NUP210L: variants seen among roughly 807,000 people sequenced by gnomAD.
NUP210L encodes the protein nucleoporin 210 like.
A neutral mutation model predicts 208.5 loss-of-function variants in NUP210L; 74 were observed. The observed-to-expected ratio is 0.35, with a 90% CI of 0.29 to 0.43. The LOEUF (loss-of-function observed/expected upper bound fraction) is 0.43. Among genes scored for constraint, NUP210L ranks in the 20% least tolerant of loss-of-function variants. The pLI is 1.00. For synonymous variants in NUP210L, 780 were observed against 816.9 expected, an observed-to-expected ratio of 0.95 and a Z score of 0.77; for missense variants, 1,843 against 2,289.4, an observed-to-expected ratio of 0.81 and a Z score of 3.98.
chr1:154,010,900 A>C (rs185936002), intron 34 of NUP210L, among the ~76,000 whole-genome samples: 55 of 151,776 alleles, frequency 3.6e-4, no homozygotes, highest in African/African-American at 1.2e-3. Flanking sequence ...TAAATAAATA[A>C]AAATAAAGCA....
intron 10 of NUP210L, among the ~76,000 whole-genome samples, chr1:154,125,067 G>A (rs1254097329): frequency 6.6e-6 from 1 of 151,878 alleles, no homozygotes; most frequent in Non-Finnish European, 1.5e-5. Flanking sequence ...CACTTTGGGA[G>A]GCTGACATGG....
chr1:154,103,356 T>A, intron 13 of NUP210L, among the ~76,000 whole-genome samples: 1 of 149,024 alleles, frequency 6.7e-6, no homozygotes, highest in Non-Finnish European at 1.5e-5. Context: ...ATCGTGCCAC[T>A]GCACTCCAGC....
chr1:154,041,240 C>T lies in NUP210L; in HGVS notation c.3696+4829G>A, dbSNP rs535263813. Among the ~76,000 whole-genome samples, 30 of 152,274 alleles carry T rather than the reference C, an allele frequency of 2.0e-4. 1 individual carries two copies. The highest frequency in any genetic ancestry group is 7.2e-4 in the African/African-American group (30 of 41,554). On this transcript the variant is annotated intron_variant, in intron 27 of 39. Transcript: ENST00000368559. ...TCAGCCTCCCAAAATGCTGGGGTAACAGGCGTGAGCCACCGAGCCTGGCCT... is the reference window on the plus strand; with the variant it reads ...TCAGCCTCCCAAAATGCTGGGGTAATAGGCGTGAGCCACCGAGCCTGGCCT...
At position 154,152,157 on chromosome 1, in the gene NUP210L, A is replaced by T. The variant is rs1441060033; in HGVS notation, c.340+579T>A. Among the ~76,000 whole-genome samples, 4 of 142,518 alleles carry T rather than the reference A, an allele frequency of 2.8e-5. No homozygotes were observed. The East Asian group carries it at 6.0e-4, about 21-fold the overall frequency. 93.5% of individuals were successfully genotyped at this position (142,518 alleles called of 152,430 possible). A position where few individuals can be genotyped will look rare whatever the true frequency, so the allele number is the denominator to read the frequency against. Reference sequence around the variant, plus strand: ...ATCCTGCCTAATACTCTTCATTTTTATTTTATTTTATTTTATTTTATTTTG... The same window carrying T: ...ATCCTGCCTAATACTCTTCATTTTTTTTTTATTTTATTTTATTTTATTTTG... On this transcript the variant is annotated intron_variant, in intron 2 of 39. Coordinates refer to ENST00000368559, the Ensembl canonical transcript of NUP210L.
At chr1:154,078,946 A>G (rs1469423308) in intron 16 of NUP210L, 1 of 152,180 alleles carries the variant, frequency 6.6e-6, no homozygotes, top group Non-Finnish European at 1.5e-5. Flanking sequence ...TTATTTATTT[A>G]TTTTGTAAGG....
At chr1:154,153,194 A>G (rs1434308413) in intron 1 of NUP210L, among the ~76,000 whole-genome samples, 1 of 152,186 alleles carries the variant, frequency 6.6e-6, no homozygotes, top group African/African-American at 2.4e-5. Context: ...ACTCTGAGGA[A>G]AGTTTCCTTC....
At position 154,137,260 on chromosome 1, in the gene NUP210L, CA is replaced by C. The variant is rs905139964; in HGVS notation, c.850+845del. On this transcript the variant is annotated intron_variant, in intron 6 of 39. Coordinates refer to ENST00000368559, the Ensembl canonical transcript of NUP210L. ...TAACATAATGAGATCCCATTTCTAA[CA>C]AAAAAAAGAGGCCGGGAGTGATGGC... Among the ~76,000 whole-genome samples, 8 of 151,110 alleles carry C rather than the reference CA, an allele frequency of 5.3e-5. No homozygotes were observed. The South Asian group carries it at 8.4e-4, about 16-fold the overall frequency.
At chr1:154,054,872 G>C (rs767895190) in intron 23 of NUP210L, 40 bp from the exon 24 acceptor site, 5 of 1,393,134 alleles carry the variant, frequency 3.6e-6, no homozygotes, top group Non-Finnish European at 4.1e-6. Flanking sequence ...TAACTAACTA[G>C]AGTCAATTTT....
exon 28 of NUP210L, chr1:154,029,960 A>G: frequency 6.2e-7 from 1 of 1,612,560 alleles, no homozygotes; most frequent in Non-Finnish European, 8.5e-7. Context: ...GGAACTGTTC[A>G]TGCAGTGAAC....
chr1:153,992,832 A>AG, exon 40 of NUP210L: 1 of 1,577,438 alleles, frequency 6.3e-7, no homozygotes, highest in African/African-American at 1.4e-5. Flanking sequence ...GTCCAAGCAG[A>AG]GGTTAGTGCC....
At chr1:154,153,165 TGA>T (rs1318310165) in intron 1 of NUP210L, among the ~76,000 whole-genome samples, 3 of 152,144 alleles carry the variant, frequency 2.0e-5, no homozygotes, top group African/African-American at 2.4e-5. Context: ...TTTCTAGTAA[TGA>T]GAGGGGACTT....
intron 35 of NUP210L, among the ~76,000 whole-genome samples, chr1:154,005,498 G>C (rs1650470941): frequency 6.6e-6 from 1 of 152,072 alleles, no homozygotes; most frequent in South Asian, 2.1e-4. Context: ...AAAGTGCTTG[G>C]ATTACAGGTG....
At chr1:154,103,223 A>G (rs185032134) in intron 13 of NUP210L, among the ~76,000 whole-genome samples, 5 of 150,864 alleles carry the variant, frequency 3.3e-5, no homozygotes, top group Non-Finnish European at 5.9e-5. Context: ...GCAAAACCCC[A>G]TATTTACTAA....
intron 35 of NUP210L, among the ~76,000 whole-genome samples, chr1:154,004,619 G>A (rs959402176): frequency 2.0e-5 from 3 of 151,566 alleles, no homozygotes; most frequent in Non-Finnish European, 4.4e-5. Flanking sequence ...GCCTCCCAAA[G>A]TGCTGGGATT....
At chr1:154,008,163 C>T (rs978585549) in intron 35 of NUP210L, among the ~76,000 whole-genome samples, 3 of 152,252 alleles carry the variant, frequency 2.0e-5, no homozygotes, top group Non-Finnish European at 4.4e-5. Context: ...TGAGCCACTG[C>T]ACCCGGCCTG....
intron 1 of NUP210L, among the ~76,000 whole-genome samples, chr1:154,154,376 TGAATA>T (rs1659580256): frequency 6.6e-6 from 1 of 152,192 alleles, no homozygotes; most frequent in Non-Finnish European, 1.5e-5. Flanking sequence ...CTTCTCACAT[TGAATA>T]GCTCATCTAT....
chr1:154,111,172 C>T (rs552460240), intron 12 of NUP210L, among the ~76,000 whole-genome samples: 1 of 151,440 alleles, frequency 6.6e-6, no homozygotes, highest in Non-Finnish European at 1.5e-5. Flanking sequence ...CACCTGAGGT[C>T]AGGAGTTTGA....
rs187083583 is a variant in NUP210L at position 154,088,012 on chromosome 1, C to T, written c.2361+1409G>A. On this transcript the variant is annotated intron_variant, in intron 16 of 39. Coordinates refer to ENST00000368559, the Ensembl canonical transcript of NUP210L. Reference sequence around the variant, plus strand: ...AAAATGACCTGAAGTTAGATAGCACCGATGGTTGCACAACTTTGATTTGAA... The same window carrying T: ...AAAATGACCTGAAGTTAGATAGCACTGATGGTTGCACAACTTTGATTTGAA... Among the ~76,000 whole-genome samples the T allele has an allele frequency of 1.8e-3, 269 of 152,132 alleles. 1 individual carries two copies. Among genetic ancestry groups the T allele is most frequent in the African/African-American group, 6.2e-3 (258 of 41,522 alleles).
intron 3 of NUP210L, among the ~76,000 whole-genome samples, chr1:154,142,151 C>CAAA (rs755281421): frequency 1.0e-5 from 1 of 98,504 alleles, no homozygotes; most frequent in Admixed American, 1.1e-4. Context: ...ACTCTGTATC[C>CAAA]AAAAAAAAAA....
Sources: gnomAD v4.1 joint callset for allele counts (sites outside exome capture counted in the v4.1 genomes callset) on GRCh38, gnomAD v4.1.1 for gene constraint, MANE v1.5 for transcripts, NCBI Gene and HGNC (gene_info 2026-07-23, HGNC 2026-07-21) for gene names.